Variants in COL24A1 observed in about 807,000 individuals in gnomAD.
COL24A1 encodes the protein collagen type XXIV alpha 1 chain.
A neutral mutation model predicts 253.9 loss-of-function variants in COL24A1; 224 were observed. The ratio of observed to expected loss-of-function variants is 0.88; its 90% CI spans 0.79 to 0.99. COL24A1 has a LOEUF of 0.99. Ranked by LOEUF, COL24A1 falls within the 50% of genes least tolerant of loss-of-function variation. The pLI is 0.00. For missense variants in COL24A1, 2,131 were observed against 2,068.5 expected, an observed-to-expected ratio of 1.03 and a Z score of -0.59; for synonymous variants, 685 against 673.7, an observed-to-expected ratio of 1.02 and a Z score of -0.26.
intron 59 of COL24A1, 41 bp from the exon 60 acceptor site, chr1:85,730,733 A>C (rs1322746878): frequency 6.2e-7 from 1 of 1,605,800 alleles, no homozygotes; most frequent in Non-Finnish European, 8.5e-7. Context: ...GCATTTCATT[A>C]GCAGTCACTT....
intron 19 of COL24A1, among the ~76,000 whole-genome samples, chr1:86,000,964 C>G (rs1489311374): frequency 6.6e-6 from 1 of 152,174 alleles, no homozygotes; most frequent in Non-Finnish European, 1.5e-5. Context: ...ACTGATATGA[C>G]TATGCTTAAA....
chr1:86,002,635 T>C (rs584895), intron 19 of COL24A1, among the ~76,000 whole-genome samples: 30,179 of 151,860 alleles, frequency 0.2, 4,053 homozygotes, highest in African/African-American at 0.38. Context: ...ATACGTGATG[T>C]CATGCTGATT....
At chr1:86,088,128 C>T (rs1201080102) in intron 7 of COL24A1, among the ~76,000 whole-genome samples, 1 of 152,132 alleles carries the variant, frequency 6.6e-6, no homozygotes, top group East Asian at 1.9e-4. Context: ...TGTCTTCTCC[C>T]AAACTCCCTA....
At chr1:85,857,638 C>A (rs559466022) in intron 37 of COL24A1, among the ~76,000 whole-genome samples, 14 of 152,046 alleles carry the variant, frequency 9.2e-5, no homozygotes, top group Non-Finnish European at 2.1e-4. Flanking sequence ...ACAAGACACA[C>A]AGACTCAATG....
intron 19 of COL24A1, among the ~76,000 whole-genome samples, chr1:86,016,381 A>T (rs115509077): frequency 1.1e-4 from 16 of 152,298 alleles, no homozygotes; most frequent in Non-Finnish European, 1.6e-4. Flanking sequence ...TATTGCTCTA[A>T]CTTATTTATT....
chr1:86,130,577 AAT>A (rs1403019388), intron 2 of COL24A1, among the ~76,000 whole-genome samples: 1 of 151,888 alleles, frequency 6.6e-6, no homozygotes, highest in Non-Finnish European at 1.5e-5. Context: ...TCCTTTACAC[AAT>A]GTTTTATTTT....
intron 19 of COL24A1, among the ~76,000 whole-genome samples, chr1:86,007,699 G>A (rs1179818165): frequency 6.6e-6 from 1 of 152,170 alleles, no homozygotes; most frequent in Admixed American, 6.6e-5. Flanking sequence ...TGTAAAAGAA[G>A]TCAATCTAAA....
chr1:85,874,215 T>C (rs1397558372), intron 35 of COL24A1, among the ~76,000 whole-genome samples: 2 of 152,222 alleles, frequency 1.3e-5, no homozygotes, highest in Admixed American at 1.3e-4. Flanking sequence ...AATTTACAAT[T>C]ATGTCCTTGC....
At chr1:86,097,949 C>T (rs1605417) in intron 5 of COL24A1, among the ~76,000 whole-genome samples, 1 of 152,000 alleles carries the variant, frequency 6.6e-6, no homozygotes, top group African/African-American at 2.4e-5. Flanking sequence ...TGGAAATTCT[C>T]GTCCAGATAG....
intron 28 of COL24A1, among the ~76,000 whole-genome samples, chr1:85,905,473 A>G (rs1324154432): frequency 1.3e-5 from 2 of 152,234 alleles, no homozygotes; most frequent in Non-Finnish European, 2.9e-5. Context: ...TGTTTTCTGT[A>G]TGCCCAATGT....
chr1:85,987,419 C>T lies in COL24A1; in HGVS notation c.2364+182G>A, dbSNP rs190969802. Among the ~76,000 whole-genome samples the T allele has an allele frequency of 2.0e-3, 302 of 151,942 alleles. 9 individuals are homozygous for T. In the South Asian group the frequency reaches 0.05, roughly 25 times the overall value. ...AATATTGTCACCCTTAATCTCAGTT[C>T]ATATCAAACTAGAAAAATCATTTGC... On this transcript the variant is annotated intron_variant, in intron 20 of 59. Transcript: ENST00000370571.
In COL24A1 at chr1:85,823,830, T is replaced by C. The variant is rs977741501; in HGVS notation, c.3682-92A>G. On this transcript the variant is annotated intron_variant, in intron 43 of 59. Transcript: ENST00000370571. ...ATCACTTAAAATGGTAGCAAAGTGT[T>C]GCAAAGCTCAACTTAAATGTCGTAG... The C allele has an allele frequency of 7.0e-6, 8 of 1,144,058 alleles. No homozygotes were observed. In the Admixed American group the frequency reaches 1.2e-4, roughly 17 times the overall value. 70.9% of individuals were successfully genotyped at this position (1,144,058 alleles called of 1,614,324 possible).
At chr1:86,004,506 A>C (rs534561683) in intron 19 of COL24A1, among the ~76,000 whole-genome samples, 8 of 152,346 alleles carry the variant, frequency 5.3e-5, no homozygotes, top group Admixed American at 5.2e-4. Context: ...TTGATGTGCC[A>C]GTTAAAAGAA....
rs77136877 is a variant in COL24A1 at position 86,140,739 on chromosome 1, A to G, written c.121+5380T>C. On this transcript the variant is annotated intron_variant, in intron 2 of 59. Coordinates refer to ENST00000370571, the MANE Select transcript of COL24A1 (RefSeq NM_152890.7). ...CTATGCCAACATCTCACTGGCAGCC[A>G]TCCCACCAACACAGACAAAGTAATA... 9.3e-3 allele frequency among the ~76,000 whole-genome samples: 1,416 copies of G among 152,342 alleles called. 23 individuals are homozygous for G. Among genetic ancestry groups the G allele is most frequent in the East Asian group, 0.072 (375 of 5,178 alleles).
At chr1:85,993,075 A>AT (rs555495034) in intron 19 of COL24A1, among the ~76,000 whole-genome samples, 2,736 of 150,022 alleles carry the variant, frequency 0.018, 34 homozygotes, top group Middle Eastern at 0.068. Flanking sequence ...ATTCACATGC[A>AT]TTTTTTTTTT....
chr1:86,153,241 C>T (rs558478852), intron 1 of COL24A1, among the ~76,000 whole-genome samples: 2 of 150,492 alleles, frequency 1.3e-5, no homozygotes, highest in South Asian at 4.3e-4. Flanking sequence ...GCTAGGTGCC[C>T]CTCATGTATA....
At chr1:85,957,147 A>G (rs1690544415) in intron 24 of COL24A1, among the ~76,000 whole-genome samples, 1 of 152,176 alleles carries the variant, frequency 6.6e-6, no homozygotes, top group Admixed American at 6.5e-5. Flanking sequence ...CAATGAGAAC[A>G]CATGGACACC....
chr1:85,829,643 A>C (rs1353079448), intron 43 of COL24A1, among the ~76,000 whole-genome samples: 1 of 151,646 alleles, frequency 6.6e-6, no homozygotes. Flanking sequence ...TTTCTCTCTA[A>C]ACTTCCCTTC....
intron 59 of COL24A1, among the ~76,000 whole-genome samples, chr1:85,731,627 G>A (rs1663480632): frequency 1.3e-5 from 2 of 152,128 alleles, no homozygotes; most frequent in South Asian, 4.1e-4. Context: ...GTAACACTTA[G>A]TGTTCTTATA....
Sources: allele counts gnomAD v4.1 joint callset (sites outside exome capture counted in the v4.1 genomes callset), GRCh38; gene constraint gnomAD v4.1.1; transcripts MANE v1.5; gene names NCBI Gene and HGNC (gene_info 2026-07-23, HGNC 2026-07-21).